Variants in RTN4IP1 observed in about 807,000 individuals in gnomAD.
RTN4IP1 encodes the protein NAD(P)H oxidoreductase RTN4IP1, mitochondrial.
Under a neutral mutation model 46.6 loss-of-function variants are expected in RTN4IP1, and 32 were observed. That is an observed-to-expected ratio of 0.69 (90% CI 0.52 to 0.92). The LOEUF is 0.92. RTN4IP1 is among the 40% of genes least tolerant of loss of function. The pLI, the probability that RTN4IP1 is intolerant of heterozygous loss-of-function variation, is 0.00. For synonymous variants in RTN4IP1, 167 were observed against 161.8 expected, an observed-to-expected ratio of 1.03 and a Z score of -0.24; for missense variants, 424 against 485.8, an observed-to-expected ratio of 0.87 and a Z score of 1.20.
At chr6:106,623,391 G>A (rs1293156592) in intron 1 of RTN4IP1, among the ~76,000 whole-genome samples, 1 of 152,142 alleles carries the variant, frequency 6.6e-6, no homozygotes, top group African/African-American at 2.4e-5. Flanking sequence ...TTCAGAGGGT[G>A]GAGGGTGGGA....
chr6:106,580,633 C>G (rs527611448), intron 8 of RTN4IP1, among the ~76,000 whole-genome samples: 1 of 150,656 alleles, frequency 6.6e-6, no homozygotes. Flanking sequence ...GCAGGAGAAT[C>G]GCTTGTACCC....
At chr6:106,595,017 G>T (rs751239727) in intron 5 of RTN4IP1, among the ~76,000 whole-genome samples, 26 of 152,142 alleles carry the variant, frequency 1.7e-4, no homozygotes, top group Non-Finnish European at 3.1e-4. Flanking sequence ...GGCCAGGCTG[G>T]TCTTGAACTC....
At chr6:106,629,585 A>T (rs750820793), upstream of RTN4IP1, 454 of 1,467,924 alleles carry the variant, frequency 3.1e-4, no homozygotes, top group Admixed American at 6.9e-4. Context: ...CTCAGTGACA[A>T]TTAAAGATGG....
chr6:106,617,683 C>T (rs1776388172), intron 4 of RTN4IP1, among the ~76,000 whole-genome samples: 1 of 152,126 alleles, frequency 6.6e-6, no homozygotes, highest in Non-Finnish European at 1.5e-5. Context: ...TAAGAAGAGA[C>T]AGATCTTTGT....
chr6:106,599,413 A>C (rs562877925), intron 5 of RTN4IP1, among the ~76,000 whole-genome samples: 43 of 151,480 alleles, frequency 2.8e-4, no homozygotes, highest in African/African-American at 9.9e-4. Flanking sequence ...TCCCTTAAAA[A>C]GTAACTACTA....
At chr6:106,599,835 CCTT>C (rs140974795) in intron 5 of RTN4IP1, among the ~76,000 whole-genome samples, 10,851 of 148,198 alleles carry the variant, frequency 0.073, 579 homozygotes, top group East Asian at 0.2. Flanking sequence ...CTTGTGCTGT[CCTT>C]TTTTTTTTTT....
At chr6:106,606,967 A>C (rs1414574063) in intron 4 of RTN4IP1, among the ~76,000 whole-genome samples, 2 of 152,176 alleles carry the variant, frequency 1.3e-5, no homozygotes, top group Non-Finnish European at 2.9e-5. Flanking sequence ...AAAATAAAAC[A>C]GCAGGAGGCA....
chr6:106,579,150 C>T (rs551184918), intron 8 of RTN4IP1, among the ~76,000 whole-genome samples: 15 of 151,704 alleles, frequency 9.9e-5, no homozygotes, highest in African/African-American at 3.1e-4. Flanking sequence ...GCAGAAGAAT[C>T]GCTTGAACCC....
At position 106,598,671 on chromosome 6, in the gene RTN4IP1, C is replaced by T. The variant is rs1430169645; in HGVS notation, c.669+4203G>A. 2.0e-5 allele frequency among the ~76,000 whole-genome samples: 3 copies of T among 151,926 alleles called. 1 individual carries two copies. The highest frequency in any genetic ancestry group is 1.9e-4 in the East Asian group (1 of 5,192). On this transcript the variant is annotated intron_variant, in intron 5 of 8. Coordinates refer to ENST00000369063, the MANE Select transcript of RTN4IP1 (RefSeq NM_032730.5). ...TGCCTGTTCACTCTGATGGTAGTTT[C>T]TTTTGCTGTGCAGAAGCTCTTTAGT...
intron 4 of RTN4IP1, among the ~76,000 whole-genome samples, chr6:106,604,941 T>G (rs1443190664): frequency 6.6e-6 from 1 of 152,074 alleles, no homozygotes; most frequent in Non-Finnish European, 1.5e-5. Context: ...CACACTGCCA[T>G]GCATGCAGTG....
At chr6:106,627,592 CAT>C (rs1776679152) in intron 1 of RTN4IP1, among the ~76,000 whole-genome samples, 1 of 151,826 alleles carries the variant, frequency 6.6e-6, no homozygotes, top group African/African-American at 2.4e-5. Flanking sequence ...CACTAAAAGA[CAT>C]ATCTTATAAA....
chr6:106,627,494 A>G (rs1157898744), intron 1 of RTN4IP1, among the ~76,000 whole-genome samples: 1 of 152,170 alleles, frequency 6.6e-6, no homozygotes, highest in Non-Finnish European at 1.5e-5. Flanking sequence ...GAAGCACTGA[A>G]ACAGGTTGAC....
intron 4 of RTN4IP1, among the ~76,000 whole-genome samples, chr6:106,613,242 AAAGTT>A (rs1203787703): frequency 6.6e-6 from 1 of 152,072 alleles, no homozygotes; most frequent in Non-Finnish European, 1.5e-5. Context: ...ACTTCTGTGT[AAAGTT>A]AAGTTATCCC....
intron 8 of RTN4IP1, among the ~76,000 whole-genome samples, chr6:106,576,931 C>T (rs1775243544): frequency 1.3e-5 from 2 of 152,160 alleles, no homozygotes; most frequent in African/African-American, 2.4e-5. Flanking sequence ...AGTGGGCCTT[C>T]AGTAAGTGTT....
chr6:106,609,569 C>T (rs1776172315), intron 4 of RTN4IP1, among the ~76,000 whole-genome samples: 1 of 152,160 alleles, frequency 6.6e-6, no homozygotes, highest in Non-Finnish European at 1.5e-5. Context: ...GTCCTACAAT[C>T]AAGGCAACAA....
chr6:106,576,964 G>A (rs758061980), intron 8 of RTN4IP1, among the ~76,000 whole-genome samples: 20 of 152,154 alleles, frequency 1.3e-4, no homozygotes, highest in Non-Finnish European at 7.3e-5. Context: ...CAAATATGGT[G>A]CATAAGAACT....
chr6:106,593,375 T>C (rs2114643438), intron 5 of RTN4IP1, among the ~76,000 whole-genome samples: 1 of 152,356 alleles, frequency 6.6e-6, no homozygotes, highest in East Asian at 1.9e-4. Flanking sequence ...CCAAAATTGC[T>C]AAAATTCTTT....
chr6:106,573,333 G>T (rs1048771473), intron 8 of RTN4IP1, among the ~76,000 whole-genome samples: 8 of 152,180 alleles, frequency 5.3e-5, no homozygotes, highest in African/African-American at 1.9e-4. Context: ...TACATTTTAC[G>T]CTTTCCTTTT....
intron 4 of RTN4IP1, among the ~76,000 whole-genome samples, chr6:106,604,759 T>G (rs1286283587): frequency 6.6e-6 from 1 of 152,206 alleles, no homozygotes; most frequent in Non-Finnish European, 1.5e-5. Flanking sequence ...TAAAATTGCC[T>G]ACATACTCCC....
Sources: gnomAD v4.1 joint callset for allele counts (sites outside exome capture counted in the v4.1 genomes callset) on GRCh38, gnomAD v4.1.1 for gene constraint, MANE v1.5 for transcripts, NCBI Gene and HGNC (gene_info 2026-07-23, HGNC 2026-07-21) for gene names.